The following AKT3 variants were observed in gnomAD, a reference collection of about 807,000 sequenced individuals.
AKT3 encodes the protein AKT serine/threonine kinase 3, also known as RAC-gamma serine/threonine-protein kinase.
Under a neutral mutation model 65.3 loss-of-function variants are expected in AKT3, and 15 were observed. The observed-to-expected ratio is 0.23, with a 90% CI of 0.15 to 0.35. The LOEUF (loss-of-function observed/expected upper bound fraction) is 0.35. AKT3 is among the 10% of genes least tolerant of loss of function. The pLI is 1.00. For missense variants in AKT3, 243 were observed against 576.5 expected (o/e 0.42, Z 5.92); for synonymous variants, 206 against 183.8 (o/e 1.12, Z -0.98).
At chr1:243,727,927 C>G (rs1187800723) in intron 2 of AKT3, among the ~76,000 whole-genome samples, 1 of 152,178 alleles carries the variant, frequency 6.6e-6, no homozygotes, top group Non-Finnish European at 1.5e-5. Context: ...ATTGACCTGA[C>G]TATAAGCAGC....
In AKT3 at chr1:243,629,227, G is replaced by A. The variant is rs560447170; in HGVS notation, c.561+8384C>T. Reference sequence around the variant, plus strand: ...GGAGGCAGAGGTTGCAGTGAGCTGAGTTTGCACCATTGCATTCCAGCCTGG... The same window carrying A: ...GGAGGCAGAGGTTGCAGTGAGCTGAATTTGCACCATTGCATTCCAGCCTGG... On this transcript the variant is annotated intron_variant, in intron 6 of 13. Coordinates refer to ENST00000673466, the MANE Select transcript of AKT3 (RefSeq NM_005465.7). Among the ~76,000 whole-genome samples the A allele has an allele frequency of 3.3e-5, 5 of 152,308 alleles. No homozygotes were observed. In the South Asian group the frequency reaches 1.0e-3, roughly 32 times the overall value.
intron 2 of AKT3, among the ~76,000 whole-genome samples, chr1:243,798,413 T>TG (rs1553454692): frequency 6.5e-5 from 9 of 138,050 alleles, no homozygotes; most frequent in East Asian, 4.1e-4. Context: ...TTTTTTTTTT[T>TG]TTTTGTTTTG....
chr1:243,622,048 G>A (rs764594984), intron 6 of AKT3, among the ~76,000 whole-genome samples: 9 of 152,078 alleles, frequency 5.9e-5, no homozygotes, highest in African/African-American at 1.7e-4. Flanking sequence ...GTAACTACAC[G>A]GCATAAAAAT....
chr1:243,789,111 C>T (rs1227091331), intron 2 of AKT3, among the ~76,000 whole-genome samples: 1 of 152,232 alleles, frequency 6.6e-6, no homozygotes, highest in Admixed American at 6.5e-5. Context: ...GGGGTGGTAG[C>T]TCACACCTGT....
intron 3 of AKT3, among the ~76,000 whole-genome samples, chr1:243,670,149 T>C (rs994107453): frequency 7.2e-5 from 11 of 152,210 alleles, no homozygotes; most frequent in Non-Finnish European, 1.5e-4. Flanking sequence ...TAATGTTACG[T>C]GTAATTACAA....
chr1:243,583,166 G>GTATATATATATA (rs1479928964), intron 8 of AKT3, among the ~76,000 whole-genome samples: 8 of 85,806 alleles, frequency 9.3e-5, no homozygotes, highest in East Asian at 3.9e-4. Context: ...ATGTATATGT[G>GTATATATATATA]TGTGTATATA....
chr1:243,584,976 A>T (rs953482896), intron 8 of AKT3, among the ~76,000 whole-genome samples: 1 of 152,174 alleles, frequency 6.6e-6, no homozygotes, highest in Admixed American at 6.6e-5. Flanking sequence ...CTCTTTACTG[A>T]TAATGATTCG....
chr1:243,707,471 TCAATAA>T (rs1558740682), intron 2 of AKT3, among the ~76,000 whole-genome samples: 1 of 152,034 alleles, frequency 6.6e-6, no homozygotes, highest in Non-Finnish European at 1.5e-5. Flanking sequence ...CTTTCTTAAT[TCAATAA>T]CAACTAACTA....
At chr1:243,667,721 A>G (rs1454628683) in intron 3 of AKT3, among the ~76,000 whole-genome samples, 1 of 152,202 alleles carries the variant, frequency 6.6e-6, no homozygotes, top group Non-Finnish European at 1.5e-5. Flanking sequence ...TTCACTAAGA[A>G]TAGATGAGTA....
chr1:243,642,707 T>C (rs918764226), intron 5 of AKT3, among the ~76,000 whole-genome samples: 23 of 152,196 alleles, frequency 1.5e-4, no homozygotes, highest in African/African-American at 5.3e-4. Flanking sequence ...GGAAATACTT[T>C]ACAGTTACAC....
chr1:243,690,444 T>C (rs755239786), intron 3 of AKT3, among the ~76,000 whole-genome samples: 24 of 152,214 alleles, frequency 1.6e-4, no homozygotes, highest in African/African-American at 5.8e-4. Context: ...TATCTCAATC[T>C]ACAATCCTTA....
intron 2 of AKT3, among the ~76,000 whole-genome samples, chr1:243,768,929 G>A (rs1253659341): frequency 2.0e-5 from 3 of 151,798 alleles, no homozygotes; most frequent in African/African-American, 7.3e-5. Context: ...ACAAGGCAGT[G>A]CAACTACCAC....
chr1:243,642,562 G>A (rs61833203), intron 5 of AKT3, among the ~76,000 whole-genome samples: 1,929 of 152,278 alleles, frequency 0.013, 31 homozygotes, highest in Non-Finnish European at 0.019. Flanking sequence ...GCCCACCTTG[G>A]CCTCCCAAAG....
At chr1:243,524,992 G>A (rs192723151) in intron 12 of AKT3, among the ~76,000 whole-genome samples, 355 of 152,282 alleles carry the variant, frequency 2.3e-3, no homozygotes, top group Admixed American at 5.6e-3. Flanking sequence ...GAAACCCACA[G>A]TTCTACTGCC....
intron 2 of AKT3, among the ~76,000 whole-genome samples, chr1:243,702,109 CA>C (rs148524776): frequency 0.061 from 7,613 of 124,292 alleles, 202 homozygotes; most frequent in African/African-American, 0.11. Context: ...AGAATTTATG[CA>C]AAAAAAAAAA....
At chr1:243,587,043 G>A (rs888521471) in intron 8 of AKT3, among the ~76,000 whole-genome samples, 1 of 151,974 alleles carries the variant, frequency 6.6e-6, no homozygotes, top group Admixed American at 6.6e-5. Context: ...AAAAAATTGG[G>A]TAAAGGTACA....
intron 9 of AKT3, among the ~76,000 whole-genome samples, chr1:243,571,060 C>T (rs1483226488): frequency 6.6e-6 from 1 of 152,146 alleles, no homozygotes; most frequent in African/African-American, 2.4e-5. Flanking sequence ...TGGCTCATGC[C>T]TGTAATCCCA....
rs184982259 is a variant in AKT3, at chr1:243,563,117, T to A, written c.948+603A>T. Among the ~76,000 whole-genome samples, 68 of 152,316 alleles carry A rather than the reference T, an allele frequency of 4.5e-4. No individual in the cohort carries two copies. The East Asian group carries it at 7.9e-3, about 18-fold the overall frequency. On this transcript the variant is annotated intron_variant, in intron 10 of 13. Transcript: ENST00000673466. ...AAGTTCCCTGAGACTAGGATCCTTT[T>A]CTGTGTTGTGCCTGTAACCACATCA...
At chr1:243,606,589 C>A (rs918913415) in intron 8 of AKT3, among the ~76,000 whole-genome samples, 8 of 152,148 alleles carry the variant, frequency 5.3e-5, no homozygotes, top group Non-Finnish European at 8.8e-5. Context: ...GAAAAGTTTG[C>A]AAAATTTGCA....
Sources: gnomAD v4.1 joint callset for allele counts (sites outside exome capture counted in the v4.1 genomes callset) on GRCh38, gnomAD v4.1.1 for gene constraint, MANE v1.5 for transcripts, NCBI Gene and HGNC (gene_info 2026-07-23, HGNC 2026-07-21) for gene names.